Variants in CTNNA3 observed in about 807,000 individuals in gnomAD.
CTNNA3 encodes the protein catenin alpha 3.
In CTNNA3, 76 loss-of-function variants were observed where a neutral mutation model predicts 95.7. The ratio of observed to expected loss-of-function variants is 0.79; its 90% confidence interval spans 0.66 to 0.96. The LOEUF is 0.96. Among genes scored for constraint, CTNNA3 ranks in the 40% least tolerant of loss-of-function variants. The probability of loss-of-function intolerance (pLI) is 0.00; values close to 1 mark genes in which losing one functional copy is unlikely to be tolerated. For missense variants in CTNNA3, 1,191 were observed against 1,089.8 expected, an observed-to-expected ratio of 1.09 and a Z score of -1.31; for synonymous variants, 431 against 374.4, an observed-to-expected ratio of 1.15 and a Z score of -1.74.
chr10:67,552,380 T>C (rs1396058628), intron 3 of CTNNA3, among the ~76,000 whole-genome samples: 1 of 152,160 alleles, frequency 6.6e-6, no homozygotes, highest in Non-Finnish European at 1.5e-5. Context: ...AACTTTTAAG[T>C]TCAGGGGTAC....
chr10:67,689,745 T>C (rs1231044548), intron 1 of CTNNA3, among the ~76,000 whole-genome samples: 2 of 152,090 alleles, frequency 1.3e-5, no homozygotes, highest in East Asian at 1.9e-4. Context: ...CAAACCAACA[T>C]TCCCAACTCC....
intron 9 of CTNNA3, among the ~76,000 whole-genome samples, chr10:66,715,780 C>G (rs1195756913): frequency 1.3e-5 from 2 of 151,794 alleles, no homozygotes; most frequent in Non-Finnish European, 2.9e-5. Context: ...TTTATTTCAT[C>G]AAAATTATAT....
chr10:66,588,405 T>A (rs1843433708), intron 10 of CTNNA3, among the ~76,000 whole-genome samples: 3 of 151,714 alleles, frequency 2.0e-5, no homozygotes, highest in Non-Finnish European at 4.4e-5. Flanking sequence ...CTGCACACTA[T>A]TTTGTCTTTC....
chr10:67,097,655 G>A, intron 7 of CTNNA3: 1 of 1,612,652 alleles, frequency 6.2e-7, no homozygotes, highest in East Asian at 2.2e-5. Flanking sequence ...ACTGTGGGGT[G>A]CATCATGAAC....
At chr10:67,400,805 G>T (rs945457512) in intron 5 of CTNNA3, among the ~76,000 whole-genome samples, 1 of 152,064 alleles carries the variant, frequency 6.6e-6, no homozygotes, top group African/African-American at 2.4e-5. Context: ...ATTGGACTTT[G>T]CTTCTAATAC....
intron 7 of CTNNA3, among the ~76,000 whole-genome samples, chr10:66,992,637 G>A (rs1337557637): frequency 6.6e-6 from 1 of 151,376 alleles, no homozygotes; most frequent in Non-Finnish European, 1.5e-5. Flanking sequence ...TTTATCCCAG[G>A]GTTATAGAAC....
At chr10:66,061,995 A>G (rs1398540322) in intron 15 of CTNNA3, among the ~76,000 whole-genome samples, 1 of 152,136 alleles carries the variant, frequency 6.6e-6, no homozygotes, top group East Asian at 1.9e-4. Context: ...CTTGTTGTAC[A>G]ATGGGTAGGT....
chr10:66,228,897 G>T (rs1014715901), intron 13 of CTNNA3, among the ~76,000 whole-genome samples: 3 of 151,854 alleles, frequency 2.0e-5, no homozygotes, highest in African/African-American at 7.3e-5. Flanking sequence ...TAATAACTTT[G>T]TCTCTTTTAA....
intron 1 of CTNNA3, among the ~76,000 whole-genome samples, chr10:67,749,659 A>C (rs754687820): frequency 2.3e-4 from 35 of 152,356 alleles, no homozygotes; most frequent in Middle Eastern, 3.4e-3. Flanking sequence ...ATGCAGCTAA[A>C]GCAGTGTTAA....
intron 3 of CTNNA3, among the ~76,000 whole-genome samples, chr10:67,554,935 G>T (rs544124777): frequency 6.6e-6 from 1 of 152,154 alleles, no homozygotes; most frequent in Non-Finnish European, 1.5e-5. Flanking sequence ...TTTTGTATAA[G>T]GTGTAAGGAA....
At chr10:66,049,524 C>T (rs1381006878) in intron 15 of CTNNA3, among the ~76,000 whole-genome samples, 1 of 152,118 alleles carries the variant, frequency 6.6e-6, no homozygotes, top group Admixed American at 6.5e-5. Context: ...GTCGCAAAGA[C>T]ATGGCATGGA....
At chr10:67,551,208 A>G (rs1475207380) in intron 3 of CTNNA3, among the ~76,000 whole-genome samples, 2 of 152,162 alleles carry the variant, frequency 1.3e-5, no homozygotes, top group African/African-American at 4.8e-5. Flanking sequence ...AGGAATACAC[A>G]AGCAGCTGAA....
intron 15 of CTNNA3, among the ~76,000 whole-genome samples, chr10:66,035,605 A>G (rs1461372394): frequency 6.6e-6 from 1 of 151,224 alleles, no homozygotes; most frequent in Non-Finnish European, 1.5e-5. Flanking sequence ...TGATACTTAA[A>G]TCTTTTTAGG....
chr10:66,529,712 T>C (rs1589381653), intron 10 of CTNNA3, among the ~76,000 whole-genome samples: 1 of 152,222 alleles, frequency 6.6e-6, no homozygotes, highest in East Asian at 1.9e-4. Flanking sequence ...ATTTGTATTG[T>C]TTTTCATCCC....
chr10:67,391,714 T>C (rs1385576562), intron 5 of CTNNA3, among the ~76,000 whole-genome samples: 3 of 148,118 alleles, frequency 2.0e-5, no homozygotes, highest in Non-Finnish European at 4.5e-5. Flanking sequence ...GAGATATAGA[T>C]CAATGGAACA....
At chr10:67,666,029 G>A (rs1470087096) in intron 1 of CTNNA3, among the ~76,000 whole-genome samples, 1 of 152,108 alleles carries the variant, frequency 6.6e-6, no homozygotes, top group Non-Finnish European at 1.5e-5. Context: ...ATTTTTAACA[G>A]AAATTAAATC....
At chr10:67,486,771 C>T (rs1848466428) in intron 5 of CTNNA3, among the ~76,000 whole-genome samples, 1 of 152,078 alleles carries the variant, frequency 6.6e-6, no homozygotes, top group Non-Finnish European at 1.5e-5. Context: ...AGATAATAGC[C>T]ATTTGCTACC....
intron 5 of CTNNA3, among the ~76,000 whole-genome samples, chr10:67,406,287 C>T (rs1845136302): frequency 6.6e-6 from 1 of 151,926 alleles, no homozygotes; most frequent in Admixed American, 6.6e-5. Context: ...AAATTAATAC[C>T]CCACAAAATT....
At chr10:65,950,542 T>C (rs1427867279) in intron 17 of CTNNA3, among the ~76,000 whole-genome samples, 1 of 152,216 alleles carries the variant, frequency 6.6e-6, no homozygotes, top group South Asian at 2.1e-4. Context: ...CACATTCCTA[T>C]AGTTGTCAAA....
Sources: allele counts gnomAD v4.1 joint callset (sites outside exome capture counted in the v4.1 genomes callset), GRCh38; gene constraint gnomAD v4.1.1; transcripts MANE v1.5; gene names NCBI Gene and HGNC (gene_info 2026-07-23, HGNC 2026-07-21).